Variants in ZFYVE1 observed in about 807,000 individuals in gnomAD.
The protein encoded by ZFYVE1 is zinc finger FYVE-type containing 1.
A neutral mutation model predicts 74.4 loss-of-function variants in ZFYVE1; 30 were observed. That is an observed-to-expected ratio of 0.40 (90% CI 0.30 to 0.55). ZFYVE1 has a LOEUF of 0.55. Among genes scored for constraint, ZFYVE1 ranks in the 20% least tolerant of loss-of-function variants. The probability of loss-of-function intolerance (pLI) is 0.42; values close to 1 mark genes in which losing one functional copy is unlikely to be tolerated. For synonymous variants in ZFYVE1, 335 were observed against 385.1 expected, an observed-to-expected ratio of 0.87 and a Z score of 1.52; for missense variants, 703 against 1,011.6, an observed-to-expected ratio of 0.69 and a Z score of 4.14.
chr14:72,974,402 G>C (rs1893111606), intron 10 of ZFYVE1, among the ~76,000 whole-genome samples: 1 of 152,124 alleles, frequency 6.6e-6, no homozygotes, highest in Non-Finnish European at 1.5e-5. Flanking sequence ...CAACCTTCTG[G>C]GGCTCCTTTA....
intron 2 of ZFYVE1, among the ~76,000 whole-genome samples, chr14:73,018,428 C>A (rs1430626203): frequency 1.8e-4 from 17 of 94,854 alleles, no homozygotes; most frequent in African/African-American, 5.3e-4. Context: ...AAGACTCCAT[C>A]TCAAAAAAAA....
At chr14:72,980,898 A>G (rs1454853999) in intron 5 of ZFYVE1, among the ~76,000 whole-genome samples, 1 of 152,204 alleles carries the variant, frequency 6.6e-6, no homozygotes, top group African/African-American at 2.4e-5. Context: ...CCCAGGCCCT[A>G]TCTCAGACCT....
chr14:73,009,034 T>C (rs1166639379), intron 2 of ZFYVE1, among the ~76,000 whole-genome samples: 1 of 152,198 alleles, frequency 6.6e-6, no homozygotes, highest in African/African-American at 2.4e-5. Flanking sequence ...ATATGGTCTG[T>C]GTTGTTCACT....
chr14:72,978,252 C>G lies in ZFYVE1; in HGVS notation c.1420-18G>C, dbSNP rs756597231. ...TAGCAGGCCTGAAACAGGAAACACTCTGCTAGCTTATTGTTTGTTTTTTGT... is the reference window on the plus strand; with the variant it reads ...TAGCAGGCCTGAAACAGGAAACACTGTGCTAGCTTATTGTTTGTTTTTTGT... On this transcript the variant is annotated intron_variant, in intron 6 of 11. Coordinates refer to ENST00000556143, the MANE Select transcript of ZFYVE1 (RefSeq NM_021260.4). 3.1e-6 allele frequency: 5 copies of G among 1,611,286 alleles called. No individual in the cohort carries two copies. In the Admixed American group the frequency reaches 8.3e-5, roughly 27 times the overall value.
At chr14:72,981,394 G>A (rs1359935687) in intron 5 of ZFYVE1, among the ~76,000 whole-genome samples, 1 of 152,142 alleles carries the variant, frequency 6.6e-6, no homozygotes, top group Non-Finnish European at 1.5e-5. Flanking sequence ...CACAGGGGGG[G>A]CACTCAAATA....
In ZFYVE1 at chr14:73,023,849, C is replaced by T. The variant is rs942507655; in HGVS notation, c.483+177G>A. On this transcript the variant is annotated intron_variant, in intron 2 of 11. Coordinates refer to ENST00000556143, the MANE Select transcript of ZFYVE1 (RefSeq NM_021260.4). The stretch of plus-strand genomic sequence containing the variant: ...TAAGGCTCAGAAAAGTAAAGTAATT[C>T]GGCCAGAGGTCATGCAGCTGGTAAC... Among the ~76,000 whole-genome samples, 39 of 152,206 alleles carry T rather than the reference C, an allele frequency of 2.6e-4. 1 individual carries two copies. The highest frequency in any genetic ancestry group is 8.9e-4 in the African/African-American group (37 of 41,550).
chr14:72,976,782 CAAAAAAA>C (rs61560948), intron 8 of ZFYVE1, among the ~76,000 whole-genome samples: 1 of 76,232 alleles, frequency 1.3e-5, no homozygotes, highest in African/African-American at 5.2e-5. Flanking sequence ...GACTCCATCT[CAAAAAAA>C]AAAAAAAAAA....
chr14:72,977,886 A>T (rs377171062), intron 8 of ZFYVE1, 41 bp downstream of exon 8: 1 of 1,602,102 alleles, frequency 6.2e-7, no homozygotes, highest in African/African-American at 1.3e-5. Flanking sequence ...AAACTGAACG[A>T]CACAAGATAA....
intron 3 of ZFYVE1, among the ~76,000 whole-genome samples, chr14:72,995,617 C>A (rs1276522121): frequency 6.6e-6 from 1 of 152,166 alleles, no homozygotes; most frequent in African/African-American, 2.4e-5. Context: ...CTGTAAAGAT[C>A]CAAAGTGGCA....
intron 6 of ZFYVE1, 117 bp from the exon 7 acceptor site, chr14:72,978,351 G>A (rs1010399034): frequency 2.8e-5 from 25 of 894,934 alleles, no homozygotes; most frequent in Middle Eastern, 3.4e-4. Context: ...CAATCTGCCC[G>A]ATCTCAGGAG....
chr14:73,005,680 T>G (rs1369163035), intron 2 of ZFYVE1, among the ~76,000 whole-genome samples: 1 of 152,064 alleles, frequency 6.6e-6, no homozygotes, highest in Non-Finnish European at 1.5e-5. Flanking sequence ...CTAAAAGAGA[T>G]AAAGTATGTA....
intron 8 of ZFYVE1, 111 bp downstream of exon 8, chr14:72,977,816 A>T: frequency 8.5e-7 from 1 of 1,181,076 alleles, no homozygotes; most frequent in Non-Finnish European, 1.2e-6. Flanking sequence ...AACCGCCAAC[A>T]TTCTGAAATT....
intron 10 of ZFYVE1, 140 bp from the exon 11 acceptor site, chr14:72,974,333 C>T: frequency 1.3e-6 from 1 of 782,046 alleles, no homozygotes; most frequent in Non-Finnish European, 2.1e-6. Flanking sequence ...AGGGTCTGTG[C>T]TGTGGGTCAG....
intron 2 of ZFYVE1, 63 bp from the exon 3 acceptor site, chr14:72,998,378 A>G (rs1040840678): frequency 1.4e-6 from 2 of 1,401,918 alleles, no homozygotes; most frequent in African/African-American, 2.9e-5. Flanking sequence ...AAACACCTAC[A>G]AGAAGAAGTG....
rs1195610624 is a variant in ZFYVE1 at position 72,970,706 on chromosome 14, G to A, written c.*176C>T. 3 of 673,076 alleles carry A rather than the reference G, an allele frequency of 4.5e-6. No homozygotes were observed. The highest frequency in any genetic ancestry group is 7.6e-6 in the Non-Finnish European group (3 of 394,970). 41.7% of individuals were successfully genotyped at this position (673,076 alleles called of 1,614,324 possible). A position where few individuals can be genotyped will look rare whatever the true frequency, so the allele number is the denominator to read the frequency against. On this transcript the variant is annotated 3_prime_UTR_variant, in exon 12 of 12. Transcript: ENST00000556143. ...GTTGCAAGGTCCCCTGCCCTGAGGGGTCCACACCTTCGGGCCTGCCGCCAG... is the reference window on the plus strand; with the variant it reads ...GTTGCAAGGTCCCCTGCCCTGAGGGATCCACACCTTCGGGCCTGCCGCCAG...
At chr14:73,001,235 AATAG>A (rs33969022) in intron 2 of ZFYVE1, among the ~76,000 whole-genome samples, 63,573 of 151,740 alleles carry the variant, frequency 0.42, 14,172 homozygotes, top group African/African-American at 0.57. Context: ...TTGGTCAGAA[AATAG>A]ATAAACTAGC....
At chr14:72,987,049 T>C (rs1379415272) in intron 4 of ZFYVE1, 1 of 804,934 alleles carries the variant, frequency 1.2e-6, no homozygotes, top group African/African-American at 1.9e-5. Flanking sequence ...TCTTGAACTT[T>C]AGTTGCCTTG....
At position 72,978,052 on chromosome 14, in the gene ZFYVE1, GAA is replaced by G; in HGVS notation, c.1518-10_1518-9del. The G allele has an allele frequency of 2.5e-6, 4 of 1,614,094 alleles. No homozygotes were observed. The highest frequency in any genetic ancestry group is 3.4e-6 in the Non-Finnish European group (4 of 1,179,992). The stretch of plus-strand genomic sequence containing the variant: ...GGACATTCGATCACATACCTACAAG[GAA>G]AGCAAATCAATACTGTTACCCAGCC... On this transcript the variant is annotated splice_polypyrimidine_tract_variant and intron_variant, in intron 7 of 11. Coordinates refer to ENST00000556143, the MANE Select transcript of ZFYVE1 (RefSeq NM_021260.4).
intron 4 of ZFYVE1, among the ~76,000 whole-genome samples, chr14:72,989,528 T>C (rs960737913): frequency 6.6e-6 from 1 of 152,178 alleles, no homozygotes; most frequent in African/African-American, 2.4e-5. Context: ...TTATCATGAA[T>C]ATGCATTGCT....
Sources: gnomAD v4.1 joint callset for allele counts (sites outside exome capture counted in the v4.1 genomes callset) on GRCh38, gnomAD v4.1.1 for gene constraint, MANE v1.5 for transcripts, NCBI Gene and HGNC (gene_info 2026-07-23, HGNC 2026-07-21) for gene names.